Variants in KIFAP3 observed in about 807,000 individuals in gnomAD.
The protein encoded by KIFAP3 is kinesin associated protein 3.
Under a neutral mutation model 106.5 loss-of-function variants are expected in KIFAP3, and 68 were observed. That is an observed-to-expected ratio of 0.64 (90% CI 0.53 to 0.78). The LOEUF (loss-of-function observed/expected upper bound fraction) is 0.78. KIFAP3 is among the 30% of genes least tolerant of loss of function. The probability of loss-of-function intolerance (pLI) is 0.00; values close to 1 mark genes in which losing one functional copy is unlikely to be tolerated. For synonymous variants in KIFAP3, 320 were observed against 311.5 expected (o/e 1.03, Z -0.29); for missense variants, 780 against 941.8 (o/e 0.83, Z 2.25).
chr1:169,928,809 T>C (rs562298564), intron 19 of KIFAP3, among the ~76,000 whole-genome samples: 1 of 152,010 alleles, frequency 6.6e-6, no homozygotes, highest in African/African-American at 2.4e-5. Flanking sequence ...TATATTTCAT[T>C]GGAATGGAGC....
chr1:169,990,540 T>C (rs989012657), intron 11 of KIFAP3, among the ~76,000 whole-genome samples: 6 of 152,142 alleles, frequency 3.9e-5, no homozygotes, highest in Non-Finnish European at 1.5e-5. Flanking sequence ...GAAAACTATT[T>C]TATAAAAAAT....
At position 170,074,471 on chromosome 1, in the gene KIFAP3, G is replaced by C. The variant is rs1477910077; in HGVS notation, c.-4C>G. 1 of 1,613,410 alleles carries C rather than the reference G, an allele frequency of 6.2e-7. No homozygotes were observed. Among genetic ancestry groups the C allele is most frequent in the Non-Finnish European group, 8.5e-7 (1 of 1,179,596 alleles). On this transcript the variant is annotated 5_prime_UTR_variant, in exon 1 of 20. Transcript: ENST00000361580. ...ATCTGGCGTCCTCCCCTTGCATGGC[G>C]GCAGCGGCAGCGGCGTGGAGAGGAT...
intron 16 of KIFAP3, among the ~76,000 whole-genome samples, chr1:169,973,545 AG>A (rs1666058040): frequency 6.6e-6 from 1 of 151,146 alleles, no homozygotes; most frequent in African/African-American, 2.4e-5. Context: ...AAAAAAAAAA[AG>A]AATACTTCTT....
intron 7 of KIFAP3, among the ~76,000 whole-genome samples, chr1:170,032,986 T>C (rs1412098094): frequency 4.0e-5 from 6 of 151,756 alleles, no homozygotes; most frequent in Non-Finnish European, 8.9e-5. Flanking sequence ...AATTCATGAT[T>C]GCTAAAGAGT....
At chr1:169,982,998 C>A in intron 13 of KIFAP3, 131 bp from the exon 14 acceptor site, 1 of 642,570 alleles carries the variant, frequency 1.6e-6, no homozygotes, top group Non-Finnish European at 2.3e-6. Context: ...TTTTAATAAT[C>A]TTGAGCTAAA....
At chr1:169,980,953 T>C (rs993197013) in intron 15 of KIFAP3, among the ~76,000 whole-genome samples, 3 of 151,992 alleles carry the variant, frequency 2.0e-5, no homozygotes, top group Admixed American at 2.0e-4. Flanking sequence ...AATACAAAAT[T>C]AGCTGGGTGT....
intron 19 of KIFAP3, among the ~76,000 whole-genome samples, chr1:169,934,609 T>G (rs1663681779): frequency 6.6e-6 from 1 of 152,136 alleles, no homozygotes; most frequent in Admixed American, 6.6e-5. Flanking sequence ...GGGTGGAGTA[T>G]TTTCATTCTG....
intron 9 of KIFAP3, among the ~76,000 whole-genome samples, chr1:170,023,914 AAAG>A (rs1264625280): frequency 2.2e-4 from 34 of 152,198 alleles, no homozygotes; most frequent in Admixed American, 1.8e-3. Flanking sequence ...ACTAGAATGA[AAAG>A]AAGAAATATT....
At chr1:170,063,649 C>T (rs1017765247) in intron 1 of KIFAP3, among the ~76,000 whole-genome samples, 2 of 151,858 alleles carry the variant, frequency 1.3e-5, no homozygotes, top group Non-Finnish European at 2.9e-5. Flanking sequence ...GCAAGAATAA[C>T]CCATAGACAC....
intron 5 of KIFAP3, among the ~76,000 whole-genome samples, chr1:170,037,949 GCTA>G (rs1490736887): frequency 1.3e-5 from 2 of 152,046 alleles, no homozygotes; most frequent in East Asian, 3.8e-4. Flanking sequence ...CTTTCCCTGT[GCTA>G]CTGAGAAAAA....
intron 17 of KIFAP3, among the ~76,000 whole-genome samples, chr1:169,969,865 T>C (rs992726623): frequency 1.3e-5 from 2 of 152,056 alleles, no homozygotes; most frequent in African/African-American, 4.8e-5. Context: ...TAAATTTTTA[T>C]ATTAAGGAAC....
At chr1:170,023,528 A>G (rs1463339441) in intron 9 of KIFAP3, among the ~76,000 whole-genome samples, 2 of 152,118 alleles carry the variant, frequency 1.3e-5, no homozygotes, top group Non-Finnish European at 2.9e-5. Flanking sequence ...CTGCTCCAAG[A>G]AAATAAGCAG....
chr1:169,933,426 A>G (rs989572123), intron 19 of KIFAP3, among the ~76,000 whole-genome samples: 3 of 152,074 alleles, frequency 2.0e-5, no homozygotes, highest in Non-Finnish European at 4.4e-5. Context: ...TAACTGTTAC[A>G]TTATGGGTTT....
At chr1:169,991,169 G>C (rs1337313395) in intron 11 of KIFAP3, among the ~76,000 whole-genome samples, 2 of 151,862 alleles carry the variant, frequency 1.3e-5, no homozygotes, top group Non-Finnish European at 2.9e-5. Flanking sequence ...GCCAGACCCT[G>C]TCTGTATAAA....
rs769806707 is a variant in KIFAP3 at position 170,055,297 on chromosome 1, G to A, written c.164+8C>T. On this transcript the variant is annotated splice_region_variant and intron_variant, in intron 2 of 19. Coordinates refer to ENST00000361580, the MANE Select transcript of KIFAP3 (RefSeq NM_014970.4). ...TACTTTCAAAATGTGCACAAATAAA[G>A]AACTTACATTTTTTGACATTCTTTT... 8 of 1,592,030 alleles carry A rather than the reference G, an allele frequency of 5.0e-6. No individual in the cohort carries two copies. In the South Asian group the frequency reaches 8.1e-5, roughly 16 times the overall value.
chr1:169,941,468 A>T, intron 19 of KIFAP3, among the ~76,000 whole-genome samples: 1 of 152,276 alleles, frequency 6.6e-6, no homozygotes, highest in Non-Finnish European at 1.5e-5. Context: ...ATCAATAAAT[A>T]TTACATATTT....
chr1:170,001,676 C>T (rs968043792), intron 10 of KIFAP3, among the ~76,000 whole-genome samples: 5 of 152,034 alleles, frequency 3.3e-5, no homozygotes, highest in African/African-American at 1.2e-4. Flanking sequence ...AATTCCATAA[C>T]AGTTCGGTAA....
At chr1:170,078,085 G>A (rs1244070995), upstream of KIFAP3, among the ~76,000 whole-genome samples, 2 of 152,054 alleles carry the variant, frequency 1.3e-5, no homozygotes, top group Non-Finnish European at 2.9e-5. Context: ...TTACTTAGTT[G>A]TATGGTAAAT....
intron 9 of KIFAP3, among the ~76,000 whole-genome samples, chr1:170,018,789 A>C (rs1257069061): frequency 6.6e-6 from 1 of 152,114 alleles, no homozygotes; most frequent in African/African-American, 2.4e-5. Flanking sequence ...GAATAAACAC[A>C]AATTGTTTTA....
Sources: allele counts gnomAD v4.1 joint callset (sites outside exome capture counted in the v4.1 genomes callset), GRCh38; gene constraint gnomAD v4.1.1; transcripts MANE v1.5; gene names NCBI Gene and HGNC (gene_info 2026-07-23, HGNC 2026-07-21).